The following SLC6A17 variants were observed in gnomAD, a reference collection of about 807,000 sequenced individuals.
SLC6A17 encodes the protein solute carrier family 6 member 17.
A neutral mutation model predicts 64.5 loss-of-function variants in SLC6A17; 21 were observed. The observed-to-expected ratio is 0.33, with a 90% CI of 0.23 to 0.47. SLC6A17 has a LOEUF of 0.47. SLC6A17 is among the 20% of genes least tolerant of loss of function. SLC6A17 has a pLI of 1.00. For missense variants in SLC6A17, 682 were observed against 963.2 expected, an observed-to-expected ratio of 0.71 and a Z score of 3.86; for synonymous variants, 372 against 399.5, an observed-to-expected ratio of 0.93 and a Z score of 0.82.
rs116480007 is a variant in SLC6A17 at position 110,187,700 on chromosome 1, T to C, written c.865-4272T>C. ...GGAGAAGCGCCCAGGCTCCAGCAGA[T>C]TGTGGTAGGGCTGTTGTGATTGACA... On this transcript the variant is annotated intron_variant, in intron 6 of 11. Coordinates refer to ENST00000331565, the MANE Select transcript of SLC6A17 (RefSeq NM_001010898.4). Among the ~76,000 whole-genome samples, 933 of 152,328 alleles carry C rather than the reference T, an allele frequency of 6.1e-3. 8 individuals are homozygous for C. Among genetic ancestry groups the C allele is most frequent in the African/African-American group, 0.02 (837 of 41,580 alleles).
intron 6 of SLC6A17, among the ~76,000 whole-genome samples, chr1:110,190,556 T>G (rs989450756): frequency 3.3e-5 from 5 of 152,162 alleles, no homozygotes; most frequent in African/African-American, 1.2e-4. Context: ...TATTTAGGGC[T>G]GTGATATTAA....
At chr1:110,180,023 G>A (rs1282054448) in intron 6 of SLC6A17, among the ~76,000 whole-genome samples, 1 of 152,168 alleles carries the variant, frequency 6.6e-6, no homozygotes, top group Non-Finnish European at 1.5e-5. Flanking sequence ...TGAGGTGGGA[G>A]GATCCCTTGA....
intron 1 of SLC6A17, among the ~76,000 whole-genome samples, chr1:110,151,177 G>A (rs888725783): frequency 6.6e-6 from 1 of 152,244 alleles, no homozygotes; most frequent in African/African-American, 2.4e-5. Flanking sequence ...AAGAACTCCG[G>A]AGGAAATTGG....
intron 2 of SLC6A17, among the ~76,000 whole-genome samples, chr1:110,168,554 T>C (rs1431028706): frequency 6.6e-6 from 1 of 152,206 alleles, no homozygotes; most frequent in Non-Finnish European, 1.5e-5. Flanking sequence ...CAATCAGAGC[T>C]TGTGGCCTGC....
intron 10 of SLC6A17, among the ~76,000 whole-genome samples, chr1:110,196,780 G>A (rs755264977): frequency 6.6e-6 from 1 of 152,190 alleles, no homozygotes; most frequent in Non-Finnish European, 1.5e-5. Context: ...CTTTGAAGTA[G>A]TGATGAAAAT....
At chr1:110,167,571 C>T (rs902250277) in intron 2 of SLC6A17, among the ~76,000 whole-genome samples, 4 of 152,242 alleles carry the variant, frequency 2.6e-5, no homozygotes, top group African/African-American at 7.2e-5. Flanking sequence ...ATGAGCTTTA[C>T]GTGCAGAATG....
At chr1:110,183,455 C>T (rs1464538646) in intron 6 of SLC6A17, among the ~76,000 whole-genome samples, 1 of 152,096 alleles carries the variant, frequency 6.6e-6, no homozygotes, top group East Asian at 1.9e-4. Context: ...GTGGTTAGTA[C>T]TGGGCTTGTG....
intron 2 of SLC6A17, among the ~76,000 whole-genome samples, chr1:110,171,638 G>A (rs890639364): frequency 2.6e-5 from 4 of 152,120 alleles, no homozygotes; most frequent in Non-Finnish European, 5.9e-5. Flanking sequence ...GCATCTGGGG[G>A]CGAGTAAGCC....
chr1:110,184,857 C>T (rs896912849), intron 6 of SLC6A17, among the ~76,000 whole-genome samples: 5 of 152,052 alleles, frequency 3.3e-5, no homozygotes, highest in African/African-American at 7.3e-5. Flanking sequence ...GGGGGTACAC[C>T]GGAAACTGAC....
At position 110,197,516 on chromosome 1, in the gene SLC6A17, C is replaced by G. The variant is rs1471049381; in HGVS notation, c.1732C>G (p.Leu578Val). 10 of 1,613,722 alleles carry G rather than the reference C, an allele frequency of 6.2e-6. No homozygotes were observed. The highest frequency in any genetic ancestry group is 8.5e-6 in the Non-Finnish European group (10 of 1,179,978). Residue 578 changes from leucine (L) to valine (V), a missense_variant, in exon 11 of 12, where the codon CTA becomes GTA. By Grantham distance (32) the Leu-to-Val change is conservative. Transcript: ENST00000331565. ...CTACATGTGGAAGTTCGTGTCTCCA[C>G]TATGCATGGCTGTGCTCACCACAGC... ...YFYMWKFVSP[L>V]CMAVLTTASI...
At chr1:110,182,482 A>G (rs926923321) in intron 6 of SLC6A17, among the ~76,000 whole-genome samples, 18 of 152,002 alleles carry the variant, frequency 1.2e-4, no homozygotes, top group African/African-American at 4.4e-4. Context: ...GAGAGAATTT[A>G]AAGCCACAGA....
In SLC6A17 at chr1:110,199,115, G is replaced by A. The variant is rs543383323; in HGVS notation, c.*671G>A. ...AAGGTGAGGAACCTCCTCTGCCCTGGTCCCTGGGTGGAATCTTCCCATGTC... is the reference window on the plus strand; with the variant it reads ...AAGGTGAGGAACCTCCTCTGCCCTGATCCCTGGGTGGAATCTTCCCATGTC... On this transcript the variant is annotated 3_prime_UTR_variant, in exon 12 of 12. Transcript: ENST00000331565. The A allele has an allele frequency of 3.9e-5, 6 of 152,770 alleles. No individual in the cohort carries two copies. Among genetic ancestry groups the A allele is most frequent in the Non-Finnish European group, 7.3e-5 (5 of 68,400 alleles). 9.5% of individuals were successfully genotyped at this position (152,770 alleles called of 1,614,324 possible).
At chr1:110,177,778 A>G (rs6689641) in intron 6 of SLC6A17, 69,820 of 152,216 alleles carry the variant, frequency 0.46, 16,834 homozygotes, top group Non-Finnish European at 0.55. Context: ...CAAACAGTTC[A>G]TGCAGGATGA....
chr1:110,172,505 C>A (rs150451362), intron 3 of SLC6A17: 5 of 353,550 alleles, frequency 1.4e-5, no homozygotes, highest in Admixed American at 1.3e-4. Flanking sequence ...GACAGCTCAG[C>A]CAGAGTTCTC....
rs750709758 is a variant in SLC6A17 at position 110,172,161 on chromosome 1, G to A, written c.388G>A (p.Gly130Ser). 21 of 1,612,014 alleles carry A rather than the reference G, an allele frequency of 1.3e-5. No homozygotes were observed. Among genetic ancestry groups the A allele is most frequent in the Middle Eastern group, 1.7e-4 (1 of 6,056 alleles). The change falls in exon 3 of 12, where the codon GGT (glycine) becomes AGT (serine). Residue 130 changes from glycine (G) to serine (S), a missense_variant. Gly to Ser is a moderately conservative substitution (Grantham distance 56). Transcript: ENST00000331565. ...TCAGAGGATCCGCCGCGGCAGCATCGGTGTGTGGCACTATATATGTCCCCG... is the reference window on the plus strand; with the variant it reads ...TCAGAGGATCCGCCGCGGCAGCATCAGTGTGTGGCACTATATATGTCCCCG... The part of the protein sequence containing the change: ...VGQRIRRGSI[G>S]VWHYICPRLG...
chr1:110,160,818 C>T (rs551347935), intron 1 of SLC6A17, among the ~76,000 whole-genome samples: 1 of 152,250 alleles, frequency 6.6e-6, no homozygotes, highest in South Asian at 2.1e-4. Flanking sequence ...GGGAAAGGGC[C>T]TTGGGCTCCC....
At chr1:110,163,711 TC>T (rs779088907) in intron 1 of SLC6A17, among the ~76,000 whole-genome samples, 19 of 152,112 alleles carry the variant, frequency 1.2e-4, no homozygotes, top group Non-Finnish European at 2.4e-4. Flanking sequence ...GCCGTGCTCC[TC>T]CCTCCCCAGC....
intron 1 of SLC6A17, among the ~76,000 whole-genome samples, chr1:110,164,491 T>G (rs1481503742): frequency 6.6e-6 from 1 of 152,260 alleles, no homozygotes; most frequent in East Asian, 1.9e-4. Context: ...CTGGGCATAT[T>G]CACTGGACAC....
chr1:110,193,419 A>G (rs1370253110), intron 8 of SLC6A17, among the ~76,000 whole-genome samples: 2 of 152,200 alleles, frequency 1.3e-5, no homozygotes, highest in East Asian at 3.8e-4. Context: ...ACATAGCTGG[A>G]CACTTTCAAA....
Sources: gnomAD v4.1 joint callset for allele counts (sites outside exome capture counted in the v4.1 genomes callset) on GRCh38, gnomAD v4.1.1 for gene constraint, MANE v1.5 for transcripts, NCBI Gene and HGNC (gene_info 2026-07-23, HGNC 2026-07-21) for gene names.